The following CCDC88C variants were observed in gnomAD, a reference collection of about 807,000 sequenced individuals.
The protein encoded by CCDC88C is protein Daple.
In CCDC88C, 131 loss-of-function variants were observed where a neutral mutation model predicts 198.8. That is an observed-to-expected ratio of 0.66 (90% CI 0.57 to 0.76). The LOEUF (loss-of-function observed/expected upper bound fraction) is 0.76. Ranked by LOEUF, CCDC88C falls within the 30% of genes least tolerant of loss-of-function variation. The pLI is 0.00. For missense variants in CCDC88C, 2,553 were observed against 2,631.6 expected (o/e 0.97, Z 0.65); for synonymous variants, 1,166 against 1,114.7 (o/e 1.05, Z -0.92).
intron 16 of CCDC88C, among the ~76,000 whole-genome samples, 198 bp downstream of exon 16, chr14:91,309,661 T>C (rs1249967804): frequency 6.6e-6 from 1 of 151,762 alleles, no homozygotes; most frequent in African/African-American, 2.4e-5. Context: ...AAAATCTCCT[T>C]CCACACCTAT....
At chr14:91,393,342 A>C (rs1885640185) in intron 3 of CCDC88C, among the ~76,000 whole-genome samples, 1 of 151,984 alleles carries the variant, frequency 6.6e-6, no homozygotes, top group Admixed American at 6.6e-5. Flanking sequence ...CCACCCCCTA[A>C]ACCCCCAGCC....
At chr14:91,315,181 A>G in intron 14 of CCDC88C, among the ~76,000 whole-genome samples, 1 of 152,044 alleles carries the variant, frequency 6.6e-6, no homozygotes, top group East Asian at 1.9e-4. Flanking sequence ...AGGCTGGCAG[A>G]GCTGTAGGCA....
chr14:91,288,829 G>T lies in CCDC88C; in HGVS notation c.4441+276C>A. ...TGAGGCAGGAGAATCACTTGAACCT[G>T]GGAGGCAGCCAGGCTGCACTCTAGC... On this transcript the variant is annotated intron_variant, in intron 25 of 29. Transcript: ENST00000389857. This position sits in a 1 kb window ranked among gnomAD's most constrained non-coding sequence, Gnocchi z 4.2. 1 of 310,400 alleles carries T rather than the reference G, an allele frequency of 3.2e-6. No homozygotes were observed. Among genetic ancestry groups the T allele is most frequent in the Non-Finnish European group, 5.9e-6 (1 of 168,722 alleles). The allele number at this position is 310,400 out of a possible 1,614,324, so 19.2% of individuals were successfully genotyped here. A position where few individuals can be genotyped will look rare whatever the true frequency, so the allele number is the denominator to read the frequency against.
chr14:91,310,110 A>G, intron 15 of CCDC88C, 124 bp from the exon 16 acceptor site: 1 of 971,010 alleles, frequency 1.0e-6, no homozygotes, highest in Non-Finnish European at 1.4e-6. Context: ...GTGTGGAGCG[A>G]GGGGACTCTG....
At chr14:91,290,963 G>A (rs1272524536) in intron 24 of CCDC88C, 32 bp downstream of exon 24, 7 of 1,344,296 alleles carry the variant, frequency 5.2e-6, no homozygotes, top group Non-Finnish European at 6.3e-6. Context: ...TTTAAGTTCT[G>A]TCTTTATGCC....
At chr14:91,285,883 AAC>A in intron 25 of CCDC88C, 1 of 1,068,772 alleles carries the variant, frequency 9.4e-7, no homozygotes, top group Non-Finnish European at 1.2e-6. Context: ...GGAAAAAGAA[AAC>A]ACAAATAAAT....
chr14:91,339,532 C>T lies in CCDC88C; in HGVS notation c.625-70G>A, dbSNP rs1463980100. On this transcript the variant is annotated intron_variant, in intron 7 of 29. Coordinates refer to ENST00000389857, the MANE Select transcript of CCDC88C (RefSeq NM_001080414.4). The surrounding 1 kb of genome is among the most constrained non-coding windows in gnomAD (Gnocchi z 5.8). ...AACCAGCACAACGCCTGAGCTTGAA[C>T]AGGGTGAAGAAACCGCCAAAAGACA... is the stretch of plus-strand genomic sequence containing the variant. 5.6e-6 allele frequency: 8 copies of T among 1,432,852 alleles called. No homozygotes were observed. The highest frequency in any genetic ancestry group is 6.6e-6 in the Non-Finnish European group (7 of 1,058,484). The allele number at this position is 1,432,852 out of a possible 1,614,324, so 88.8% of individuals were successfully genotyped here. A position where few individuals can be genotyped will look rare whatever the true frequency, so the allele number is the denominator to read the frequency against.
Position 91,293,508 on chromosome 14 carries a change from G to GCCCA in CCDC88C, c.4112+664_4112+665insTGGG, listed in dbSNP as rs1567055593. ...CACCTTCCCATCCTCACCTGCCACG[G>GCCCA]CCTACCTTCCTGTCCCCTCACCTGC... On this transcript the variant is annotated intron_variant, in intron 23 of 29. Transcript: ENST00000389857. Among the ~76,000 whole-genome samples the GCCCA allele has an allele frequency of 1.6e-5, 2 of 123,434 alleles. 1 individual carries two copies. Among genetic ancestry groups the GCCCA allele is most frequent in the African/African-American group, 5.9e-5 (2 of 33,960 alleles). 81.0% of individuals were successfully genotyped at this position (123,434 alleles called of 152,430 possible). A position where few individuals can be genotyped will look rare whatever the true frequency, so the allele number is the denominator to read the frequency against.
intron 3 of CCDC88C, among the ~76,000 whole-genome samples, chr14:91,378,152 A>C (rs115087731): frequency 0.017 from 2,535 of 152,342 alleles, 80 homozygotes; most frequent in African/African-American, 0.058. Flanking sequence ...TAACAAGGCA[A>C]TAATTGTGTG....
At chr14:91,279,667 G>C in intron 27 of CCDC88C, 1 of 192,968 alleles carries the variant, frequency 5.2e-6, no homozygotes, top group South Asian at 1.1e-4. Context: ...GTTGCGGGGG[G>C]CCCTCCTCTA....
chr14:91,285,443 C>G (rs1389550950), intron 25 of CCDC88C: 1 of 394,596 alleles, frequency 2.5e-6, no homozygotes, highest in South Asian at 1.6e-5. Flanking sequence ...TATCCTGAGG[C>G]TCCCCCTAAA....
chr14:91,307,496 C>T (rs1321873453), intron 17 of CCDC88C, among the ~76,000 whole-genome samples: 1 of 152,248 alleles, frequency 6.6e-6, no homozygotes, highest in Non-Finnish European at 1.5e-5. Flanking sequence ...ATGTGGCTTC[C>T]TGCTTTCCTG....
chr14:91,368,856 C>A (rs1421690155), intron 3 of CCDC88C, among the ~76,000 whole-genome samples: 1 of 152,242 alleles, frequency 6.6e-6, no homozygotes, highest in Admixed American at 6.5e-5. Flanking sequence ...TGCACCTCAA[C>A]AACTTGATGG....
At chr14:91,340,939 T>C (rs1893287317) in intron 6 of CCDC88C, among the ~76,000 whole-genome samples, 1 of 152,072 alleles carries the variant, frequency 6.6e-6, no homozygotes, top group Admixed American at 6.6e-5. Flanking sequence ...GAGTTTGAGG[T>C]TGCAGTGAGC....
Position 91,398,149 on chromosome 14 carries a change from AG to A in CCDC88C, c.270+10509del, listed in dbSNP as rs562742213. 1.6e-3 allele frequency among the ~76,000 whole-genome samples: 238 copies of A among 152,342 alleles called. 1 individual carries two copies. Among genetic ancestry groups the A allele is most frequent in the African/African-American group, 5.3e-3 (219 of 41,586 alleles). On this transcript the variant is annotated intron_variant, in intron 3 of 29. Transcript: ENST00000389857. ...GCCTTTTGATTTGGGCACAGATCTG[AG>A]TCCCACAGTTCCTCGCTGCTATCTG...
At chr14:91,366,131 C>T (rs1291419758) in intron 3 of CCDC88C, among the ~76,000 whole-genome samples, 1 of 147,842 alleles carries the variant, frequency 6.8e-6, no homozygotes, top group African/African-American at 2.5e-5. Flanking sequence ...CAGCTGTGAA[C>T]ATGACAGACC....
rs565126050 is a variant in CCDC88C, at chr14:91,329,850, A to G, written c.1051-3794T>C. 9.8e-5 allele frequency among the ~76,000 whole-genome samples: 15 copies of G among 152,370 alleles called. No individual in the cohort carries two copies. In the South Asian group the frequency reaches 3.1e-3, roughly 32 times the overall value. On this transcript the variant is annotated intron_variant, in intron 10 of 29. Transcript: ENST00000389857. ...CACAAGGTCGTTACCACTCACTGAA[A>G]GACCCGACTGTGCACCTCATTTGGG... is the stretch of plus-strand genomic sequence containing the variant.
chr14:91,399,530 C>G (rs1886046476), intron 3 of CCDC88C, among the ~76,000 whole-genome samples: 1 of 152,190 alleles, frequency 6.6e-6, no homozygotes, highest in South Asian at 2.1e-4. Flanking sequence ...TTCCTAAGCT[C>G]TCTCTTTTAG....
chr14:91,379,218 T>C (rs1884635838), intron 3 of CCDC88C: 1 of 152,400 alleles, frequency 6.6e-6, no homozygotes, highest in African/African-American at 2.4e-5. Context: ...AGACGCACTA[T>C]GACCCAGCAT....
Sources: gnomAD v4.1 joint callset for allele counts (sites outside exome capture counted in the v4.1 genomes callset) on GRCh38, gnomAD v4.1.1 for gene constraint, Gnocchi (gnomAD v3.1) non-coding constraint, MANE v1.5 for transcripts, NCBI Gene and HGNC (gene_info 2026-07-23, HGNC 2026-07-21) for gene names.